The following DPP10 variants were observed in gnomAD, a reference collection of about 807,000 sequenced individuals.
DPP10 encodes the protein inactive dipeptidyl peptidase 10.
DPP10 carries 33 observed loss-of-function variants against 120.9 expected under a neutral mutation model. The observed-to-expected ratio is 0.27, with a 90% CI of 0.21 to 0.37. DPP10 has a LOEUF of 0.37. Among genes scored for constraint, DPP10 ranks in the 10% least tolerant of loss-of-function variants. The pLI, the probability that DPP10 is intolerant of heterozygous loss-of-function variation, is 1.00. For missense variants in DPP10, 816 were observed against 942.8 expected, an observed-to-expected ratio of 0.87 and a Z score of 1.76; for synonymous variants, 337 against 326.1, an observed-to-expected ratio of 1.03 and a Z score of -0.36.
chr2:114,928,168 C>T (rs771490901), intron 1 of DPP10, among the ~76,000 whole-genome samples: 2 of 152,202 alleles, frequency 1.3e-5, no homozygotes, highest in Non-Finnish European at 2.9e-5. Context: ...AATCATCCCT[C>T]TCCAATAGGC....
At chr2:115,513,655 T>C (rs1839138) in intron 4 of DPP10, among the ~76,000 whole-genome samples, 31,261 of 151,932 alleles carry the variant, frequency 0.21, 4,432 homozygotes, top group African/African-American at 0.39. Flanking sequence ...TTATTCCAAC[T>C]TCATTTCATG....
intron 1 of DPP10, among the ~76,000 whole-genome samples, chr2:115,175,201 G>A (rs1273951967): frequency 6.6e-6 from 1 of 152,158 alleles, no homozygotes; most frequent in East Asian, 1.9e-4. Context: ...TCAGTGCTCT[G>A]AAAAATAGCT....
chr2:114,510,226 C>A (rs73946190), intron 1 of DPP10, among the ~76,000 whole-genome samples: 6,117 of 152,264 alleles, frequency 0.04, 410 homozygotes, highest in African/African-American at 0.14. Context: ...CACTATCTGG[C>A]CTTTCACCAC....
chr2:115,326,920 G>A (rs1044271023), intron 2 of DPP10, among the ~76,000 whole-genome samples: 4 of 151,926 alleles, frequency 2.6e-5, no homozygotes, highest in African/African-American at 9.7e-5. Context: ...TGCATTTAAT[G>A]TAGACTGTGC....
chr2:115,394,455 G>A (rs1225478665), intron 3 of DPP10, among the ~76,000 whole-genome samples: 2 of 136,338 alleles, frequency 1.5e-5, no homozygotes, highest in Non-Finnish European at 3.1e-5. Context: ...GCTGCTACAT[G>A]TAATCAACCT....
At chr2:115,048,481 T>C (rs1025936394) in intron 1 of DPP10, among the ~76,000 whole-genome samples, 21 of 152,110 alleles carry the variant, frequency 1.4e-4, no homozygotes, top group Admixed American at 1.2e-3. Context: ...GCCAGAGTGA[T>C]GTTTCTAAAA....
In DPP10 at chr2:115,836,699, A is replaced by G. The variant is rs748091636; in HGVS notation, c.2135A>G (p.His712Arg). The change falls in exon 24 of 26, where the codon CAT (histidine) becomes CGT (arginine). Residue 712 changes from histidine to arginine, a missense_variant. His to Arg is a conservative substitution (Grantham distance 29, BLOSUM62 0). Around this residue, in one of 3 missense-constraint regions of DPP10, gnomAD observed 592 missense variants for 649.0 expected, o/e 0.91. Transcript: ENST00000410059. The part of the protein sequence containing the change: ...YQAASVLHNV[H>R]GLKEENILII... ...GCAGCCAGTGTGCTACATAATGTTC[A>G]TGGCTTGAAAGAAGAAAATATATTA... 14 of 1,613,430 alleles carry G rather than the reference A, an allele frequency of 8.7e-6. No individual in the cohort carries two copies. The highest frequency in any genetic ancestry group is 1.0e-5 in the Non-Finnish European group (12 of 1,179,746).
intron 3 of DPP10, among the ~76,000 whole-genome samples, chr2:115,368,544 CTTAA>C (rs889900108): frequency 2.6e-5 from 4 of 151,882 alleles, no homozygotes; most frequent in African/African-American, 9.7e-5. Flanking sequence ...CACACTTATC[CTTAA>C]TTGTCTTCAG....
At chr2:114,553,288 C>G (rs970358129) in intron 1 of DPP10, among the ~76,000 whole-genome samples, 1 of 152,202 alleles carries the variant, frequency 6.6e-6, no homozygotes, top group African/African-American at 2.4e-5. Context: ...TTCATTTTCC[C>G]CCTGCTGCTG....
In DPP10 at chr2:115,245,251, G is replaced by T. The variant is rs983762753; in HGVS notation, c.61-63988G>T. Among the ~76,000 whole-genome samples the T allele has an allele frequency of 2.6e-5, 4 of 151,962 alleles. No individual in the cohort carries two copies. The South Asian group carries it at 8.3e-4, about 32-fold the overall frequency. ...TCTTTATCTATTCATTGGTGAATGG[G>T]CATTTAGGCTGGTTCGTATTTCTGC... On this transcript the variant is annotated intron_variant, in intron 1 of 25. Coordinates refer to ENST00000410059, the MANE Select transcript of DPP10 (RefSeq NM_020868.6).
At chr2:115,241,459 A>G (rs570711015) in intron 1 of DPP10, among the ~76,000 whole-genome samples, 34 of 152,294 alleles carry the variant, frequency 2.2e-4, no homozygotes, top group African/African-American at 7.9e-4. Context: ...CTCAGATTCT[A>G]ATCTGGTACA....
At chr2:115,755,553 A>G (rs112035030) in intron 11 of DPP10, among the ~76,000 whole-genome samples, 22 of 152,238 alleles carry the variant, frequency 1.4e-4, no homozygotes, top group African/African-American at 4.6e-4. Flanking sequence ...TTCCAAAGCT[A>G]TAAAACTACT....
At chr2:114,959,120 C>G (rs1366177302) in intron 1 of DPP10, among the ~76,000 whole-genome samples, 3 of 151,950 alleles carry the variant, frequency 2.0e-5, no homozygotes, top group Non-Finnish European at 4.4e-5. Context: ...GTACAGTGGC[C>G]CGATCTCAGC....
rs78097662 is a variant in DPP10, at chr2:114,951,085, A to T, written c.61-358154A>T. Reference sequence around the variant, plus strand: ...GTAAAGTTATTAAATTGATTGGTTCATGAAGGAATATAGTACATTAGTGAG... The same window carrying T: ...GTAAAGTTATTAAATTGATTGGTTCTTGAAGGAATATAGTACATTAGTGAG... On this transcript the variant is annotated intron_variant, in intron 1 of 25. Transcript: ENST00000410059. Among the ~76,000 whole-genome samples the T allele has an allele frequency of 1.6e-3, 237 of 152,326 alleles. 2 individuals are homozygous for T. The highest frequency in any genetic ancestry group is 5.3e-3 in the African/African-American group (221 of 41,576).
At position 114,628,935 on chromosome 2, in the gene DPP10, C is replaced by G. The variant is rs116723591; in HGVS notation, c.60+186097C>G. Among the ~76,000 whole-genome samples, 829 of 152,252 alleles carry G rather than the reference C, an allele frequency of 5.4e-3. 10 individuals carry two copies. Among genetic ancestry groups the G allele is most frequent in the African/African-American group, 0.019 (790 of 41,538 alleles). ...TTTGTCTTTGTGGCAAGTGTCAAATCTCACTTTTTCCCTAAGATTCCTAGA... is the reference window on the plus strand; with the variant it reads ...TTTGTCTTTGTGGCAAGTGTCAAATGTCACTTTTTCCCTAAGATTCCTAGA... On this transcript the variant is annotated intron_variant, in intron 1 of 25. Transcript: ENST00000410059.
At chr2:115,385,901 T>G (rs2066897923) in intron 3 of DPP10, among the ~76,000 whole-genome samples, 1 of 152,318 alleles carries the variant, frequency 6.6e-6, no homozygotes, top group South Asian at 2.1e-4. Flanking sequence ...ATGATATACA[T>G]TTTCCTCTTT....
intron 3 of DPP10, among the ~76,000 whole-genome samples, chr2:115,394,663 G>A (rs931511834): frequency 1.7e-4 from 26 of 152,198 alleles, no homozygotes; most frequent in African/African-American, 6.0e-4. Context: ...TCTTTACCCT[G>A]AATAACAAGA....
At chr2:115,349,784 T>A (rs542059284) in intron 3 of DPP10, among the ~76,000 whole-genome samples, 1 of 152,270 alleles carries the variant, frequency 6.6e-6, no homozygotes, top group South Asian at 2.1e-4. Context: ...TAATTTGTCA[T>A]ACTAGAATTA....
At chr2:114,965,545 A>G (rs80139897) in intron 1 of DPP10, among the ~76,000 whole-genome samples, 2,337 of 152,258 alleles carry the variant, frequency 0.015, 63 homozygotes, top group African/African-American at 0.053. Flanking sequence ...GGTTGAATTC[A>G]TAAATGTAGG....
Sources: gnomAD v4.1 joint callset for allele counts (sites outside exome capture counted in the v4.1 genomes callset) on GRCh38, gnomAD v4.1.1 for gene constraint, gnomAD v4.1.1 regional missense constraint, MANE v1.5 for transcripts, NCBI Gene and HGNC (gene_info 2026-07-23, HGNC 2026-07-21) for gene names.